RHOH: variants seen among roughly 807,000 people sequenced by gnomAD.
RHOH encodes ras homolog family member H.
In RHOH, 6 loss-of-function variants were observed where a neutral mutation model predicts 13.8. The ratio of observed to expected loss-of-function variants is 0.44; its 90% CI spans 0.24 to 0.86. The LOEUF (loss-of-function observed/expected upper bound fraction) is 0.86. Ranked by LOEUF, RHOH falls within the 40% of genes least tolerant of loss-of-function variation. The probability of loss-of-function intolerance (pLI) is 0.24; values close to 1 mark genes in which losing one functional copy is unlikely to be tolerated. For synonymous variants in RHOH, 117 were observed against 103.0 expected (o/e 1.14, Z -0.82); for missense variants, 147 against 244.5 (o/e 0.60, Z 2.66).
intron 1 of RHOH, among the ~76,000 whole-genome samples, chr4:40,199,220 T>A (rs1380771559): frequency 1.3e-5 from 2 of 151,706 alleles, no homozygotes; most frequent in Non-Finnish European, 2.9e-5. Context: ...TGTAGCCTAG[T>A]GCCTGACTGA....
Position 40,221,068 on chromosome 4 carries a change from T to A in RHOH, c.-330-21646T>A, listed in dbSNP as rs547747296. ...AGATTATTCCTCTTTGTTCCTCTTC[T>A]CCCTTAGGCAATTGAGGGAGTAACT... is the stretch of plus-strand genomic sequence containing the variant. On this transcript the variant is annotated intron_variant, in intron 1 of 2. Coordinates refer to ENST00000381799, the MANE Select transcript of RHOH (RefSeq NM_004310.5). Among the ~76,000 whole-genome samples the A allele has an allele frequency of 1.1e-3, 175 of 152,336 alleles. 1 individual carries two copies. Among genetic ancestry groups the A allele is most frequent in the African/African-American group, 4.0e-3 (168 of 41,570 alleles).
intron 1 of RHOH, among the ~76,000 whole-genome samples, chr4:40,233,730 T>C (rs543195600): frequency 3.9e-5 from 6 of 152,302 alleles, no homozygotes; most frequent in Non-Finnish European, 8.8e-5. Context: ...GAATTTCATA[T>C]AATTTTCACA....
intron 1 of RHOH, among the ~76,000 whole-genome samples, chr4:40,202,817 G>A (rs1724173115): frequency 6.6e-6 from 1 of 152,146 alleles, no homozygotes; most frequent in African/African-American, 2.4e-5. Flanking sequence ...TTCTTAGGAA[G>A]AGACAAGGAG....
At chr4:40,212,077 G>C (rs969917299) in intron 1 of RHOH, among the ~76,000 whole-genome samples, 2 of 152,190 alleles carry the variant, frequency 1.3e-5, no homozygotes, top group Non-Finnish European at 2.9e-5. Flanking sequence ...TTTGGAGGCT[G>C]CCCTGACTTC....
intron 1 of RHOH, among the ~76,000 whole-genome samples, chr4:40,216,472 A>T (rs781560324): frequency 2.0e-5 from 3 of 150,928 alleles, no homozygotes; most frequent in Admixed American, 6.6e-5. Flanking sequence ...CCATCTCAAT[A>T]AAAAAAAAGA....
At chr4:40,215,533 G>A (rs1725771124) in intron 1 of RHOH, among the ~76,000 whole-genome samples, 1 of 152,124 alleles carries the variant, frequency 6.6e-6, no homozygotes, top group Non-Finnish European at 1.5e-5. Context: ...CAGAGTCTAA[G>A]GTAATGCCCC....
At chr4:40,193,424 C>T (rs1365696831), upstream of RHOH, among the ~76,000 whole-genome samples, 1 of 150,346 alleles carries the variant, frequency 6.7e-6, no homozygotes, top group Non-Finnish European at 1.5e-5. Flanking sequence ...TCAGCGTTTG[C>T]TTCCTCCCCT....
chr4:40,207,035 C>T (rs1039735436), intron 1 of RHOH, among the ~76,000 whole-genome samples: 17 of 152,058 alleles, frequency 1.1e-4, no homozygotes, highest in East Asian at 3.9e-4. Flanking sequence ...GGTGAAACCC[C>T]GTCTCTTCTA....
chr4:40,232,469 G>A (rs573593306), intron 1 of RHOH, among the ~76,000 whole-genome samples: 1 of 152,020 alleles, frequency 6.6e-6, no homozygotes, highest in African/African-American at 2.4e-5. Flanking sequence ...TGCCCAGGCT[G>A]GTCTTGAACT....
At chr4:40,233,564 A>G (rs2109526387) in intron 1 of RHOH, among the ~76,000 whole-genome samples, 1 of 152,266 alleles carries the variant, frequency 6.6e-6, no homozygotes, top group South Asian at 2.1e-4. Context: ...TCTGTCTAGT[A>G]GGAGTTGGCA....
intron 1 of RHOH, among the ~76,000 whole-genome samples, chr4:40,201,166 T>G (rs2109357627): frequency 6.6e-6 from 1 of 152,268 alleles, no homozygotes; most frequent in East Asian, 1.9e-4. Context: ...ATACATGACC[T>G]CATGGAAAAA....
rs150430372 is a variant in RHOH at position 40,233,625 on chromosome 4, C to G, written c.-330-9089C>G. Among the ~76,000 whole-genome samples, 150 of 152,262 alleles carry G rather than the reference C, an allele frequency of 9.9e-4. 1 individual carries two copies. The highest frequency in any genetic ancestry group is 3.4e-3 in the African/African-American group (143 of 41,542). ...GAAAATATTTTAGGCTTGGTTGCAA[C>G]TTTATGTTGCAGCGAGAAAGCAGTC... On this transcript the variant is annotated intron_variant, in intron 1 of 2. Transcript: ENST00000381799.
upstream of RHOH, among the ~76,000 whole-genome samples, chr4:40,193,406 A>G (rs1722806773): frequency 6.8e-6 from 1 of 147,998 alleles, no homozygotes; most frequent in Non-Finnish European, 1.5e-5. Flanking sequence ...GAATGTTTGC[A>G]TGTATTTTCA....
chr4:40,197,889 C>G, intron 1 of RHOH, among the ~76,000 whole-genome samples: 1 of 152,056 alleles, frequency 6.6e-6, no homozygotes, highest in East Asian at 1.9e-4. Flanking sequence ...CAGTCAGTAG[C>G]CTGAGTTGTA....
chr4:40,234,017 C>T lies in RHOH; in HGVS notation c.-330-8697C>T, dbSNP rs142947551. On this transcript the variant is annotated intron_variant, in intron 1 of 2. Coordinates refer to ENST00000381799, the MANE Select transcript of RHOH (RefSeq NM_004310.5). ...TTTATGGCCCTACAAAACCAGGTGG[C>T]GGGCTGGATTCAGCCATGCGTGGGC... 2.3e-3 allele frequency among the ~76,000 whole-genome samples: 343 copies of T among 152,252 alleles called. 2 individuals carry two copies. The highest frequency in any genetic ancestry group is 5.8e-3 in the African/African-American group (239 of 41,534).
intron 1 of RHOH, among the ~76,000 whole-genome samples, chr4:40,202,128 G>A (rs1004353112): frequency 6.6e-6 from 1 of 151,042 alleles, no homozygotes; most frequent in African/African-American, 2.4e-5. Context: ...CTTTTTTTTT[G>A]TAGAGACGGG....
intron 1 of RHOH, among the ~76,000 whole-genome samples, chr4:40,206,769 A>T (rs1724689456): frequency 6.6e-6 from 1 of 152,248 alleles, no homozygotes; most frequent in Admixed American, 6.5e-5. Flanking sequence ...CTAAACACAG[A>T]ATATCCGGCA....
chr4:40,232,080 G>A (rs886366654), intron 1 of RHOH, among the ~76,000 whole-genome samples: 1 of 152,208 alleles, frequency 6.6e-6, no homozygotes, highest in Non-Finnish European at 1.5e-5. Flanking sequence ...GATCCTTGCT[G>A]AAGTTTATGT....
chr4:40,245,105 G>GA lies in RHOH; in HGVS notation c.*1146dup. On this transcript the variant is annotated 3_prime_UTR_variant, in exon 3 of 3. Coordinates refer to ENST00000381799, the MANE Select transcript of RHOH (RefSeq NM_004310.5). Reference sequence around the variant, plus strand: ...CTCAGAGAACAGAAAGTTATCAGGGGAAATACTGAATAAATAGACACACAC... The same window carrying GA: ...CTCAGAGAACAGAAAGTTATCAGGGGAAAATACTGAATAAATAGACACACAC... 1 of 152,204 alleles carries GA rather than the reference G, an allele frequency of 6.6e-6. No individual in the cohort carries two copies. The highest frequency in any genetic ancestry group is 1.5e-5 in the Non-Finnish European group (1 of 68,020). The allele number at this position is 152,204 out of a possible 1,614,324, so 9.4% of individuals were successfully genotyped here. A position where few individuals can be genotyped will look rare whatever the true frequency, so the allele number is the denominator to read the frequency against.
Sources: gnomAD v4.1 joint callset for allele counts (sites outside exome capture counted in the v4.1 genomes callset) on GRCh38, gnomAD v4.1.1 for gene constraint, MANE v1.5 for transcripts, NCBI Gene and HGNC (gene_info 2026-07-23, HGNC 2026-07-21) for gene names.